LPAR1: variants seen among roughly 807,000 people sequenced by gnomAD.
LPAR1 encodes the protein LPA receptor 1.
LPAR1 carries 5 observed loss-of-function variants against 23.8 expected under a neutral mutation model. The observed-to-expected ratio is 0.21, with a 90% CI of 0.11 to 0.44. The LOEUF is 0.44. Among genes scored for constraint, LPAR1 ranks in the 20% least tolerant of loss-of-function variants. The pLI, the probability that LPAR1 is intolerant of heterozygous loss-of-function variation, is 0.99. For missense variants in LPAR1, 311 were observed against 482.8 expected (o/e 0.64, Z 3.33); for synonymous variants, 160 against 164.7 (o/e 0.97, Z 0.22).
At chr9:110,996,889 T>C (rs575299700) in intron 2 of LPAR1, among the ~76,000 whole-genome samples, 77 of 152,336 alleles carry the variant, frequency 5.1e-4, no homozygotes, top group African/African-American at 1.5e-3. Flanking sequence ...TGGGGTCTGA[T>C]GGTCTCGTTA....
At position 110,874,542 on chromosome 9, in the gene LPAR1, T is replaced by C. The variant is rs1277754321; in HGVS notation, c.*879A>G. ...TTTCAAGTTTTCTATGATGAGTATATTATTTTACAAAGACTACGAAAATTT... is the reference window on the plus strand; with the variant it reads ...TTTCAAGTTTTCTATGATGAGTATACTATTTTACAAAGACTACGAAAATTT... On this transcript the variant is annotated 3_prime_UTR_variant, in exon 6 of 6. Transcript: ENST00000683809. The C allele has an allele frequency of 1.3e-5, 2 of 152,636 alleles. No individual in the cohort carries two copies. The highest frequency in any genetic ancestry group is 2.9e-5 in the Non-Finnish European group (2 of 68,022). The allele number at this position is 152,636 out of a possible 1,614,324, so 9.5% of individuals were successfully genotyped here. A position where few individuals can be genotyped will look rare whatever the true frequency, so the allele number is the denominator to read the frequency against.
At chr9:111,004,047 A>AG (rs1257311657) in intron 2 of LPAR1, among the ~76,000 whole-genome samples, 1 of 152,184 alleles carries the variant, frequency 6.6e-6, no homozygotes, top group Non-Finnish European at 1.5e-5. Context: ...TCATTCCATG[A>AG]GGGCATAATC....
chr9:111,023,876 T>G (rs1333632082), intron 2 of LPAR1, among the ~76,000 whole-genome samples: 1 of 152,224 alleles, frequency 6.6e-6, no homozygotes, highest in Non-Finnish European at 1.5e-5. Flanking sequence ...TTCAAATGTA[T>G]GGACAAACAT....
intron 5 of LPAR1, among the ~76,000 whole-genome samples, chr9:110,912,021 C>T (rs1323131810): frequency 6.6e-6 from 1 of 152,076 alleles, no homozygotes; most frequent in African/African-American, 2.4e-5. Flanking sequence ...AGGCAGAAAC[C>T]CTTGGGTGAT....
chr9:111,013,568 C>T (rs1420585671), intron 2 of LPAR1, among the ~76,000 whole-genome samples: 3 of 151,950 alleles, frequency 2.0e-5, no homozygotes, highest in Non-Finnish European at 4.4e-5. Context: ...TAATGGATTC[C>T]AAGGGCATTT....
At chr9:110,884,456 T>C (rs2081798896) in intron 5 of LPAR1, among the ~76,000 whole-genome samples, 5 of 152,242 alleles carry the variant, frequency 3.3e-5, no homozygotes, top group African/African-American at 4.8e-5. Context: ...CATCAGACTA[T>C]TTTTACTCCA....
chr9:110,943,723 G>C (rs149248088), intron 4 of LPAR1, among the ~76,000 whole-genome samples: 32 of 152,104 alleles, frequency 2.1e-4, no homozygotes, highest in African/African-American at 7.2e-4. Context: ...AGTCAGACAT[G>C]GTGGTGGGCA....
chr9:111,004,551 C>T (rs1265995918), intron 2 of LPAR1, among the ~76,000 whole-genome samples: 2 of 152,162 alleles, frequency 1.3e-5, no homozygotes, highest in African/African-American at 4.8e-5. Context: ...TCTTACTTGA[C>T]CCTCTGTTGG....
chr9:110,991,768 T>A (rs886187561), intron 2 of LPAR1, among the ~76,000 whole-genome samples: 3 of 152,072 alleles, frequency 2.0e-5, no homozygotes, highest in African/African-American at 7.2e-5. Context: ...GCCATTTGTA[T>A]TTTTAGTAGA....
At chr9:110,980,505 C>A (rs1383365371) in intron 2 of LPAR1, among the ~76,000 whole-genome samples, 1 of 151,778 alleles carries the variant, frequency 6.6e-6, no homozygotes, top group East Asian at 1.9e-4. Flanking sequence ...GCATGTTAAG[C>A]GAAGTAAGTC....
chr9:111,006,224 C>CA (rs2097215839), intron 2 of LPAR1, among the ~76,000 whole-genome samples: 1 of 152,164 alleles, frequency 6.6e-6, no homozygotes, highest in African/African-American at 2.4e-5. Context: ...ATGCAAAAGG[C>CA]TGTACACAAG....
At chr9:111,016,360 C>T (rs1373888369) in intron 2 of LPAR1, among the ~76,000 whole-genome samples, 2 of 152,132 alleles carry the variant, frequency 1.3e-5, no homozygotes, top group Non-Finnish European at 2.9e-5. Context: ...TACACTTGCA[C>T]GAGGAACAAT....
intron 4 of LPAR1, among the ~76,000 whole-genome samples, chr9:110,969,825 T>G (rs2096355882): frequency 6.6e-6 from 1 of 152,246 alleles, no homozygotes; most frequent in Non-Finnish European, 1.5e-5. Flanking sequence ...TTGTACTTCT[T>G]GGTTTGCAAC....
intron 5 of LPAR1, among the ~76,000 whole-genome samples, chr9:110,898,662 C>T (rs2087402145): frequency 6.6e-6 from 1 of 152,174 alleles, no homozygotes. Flanking sequence ...AAACATGCAA[C>T]GGTTTGATCT....
chr9:111,004,684 A>T (rs1301077378), intron 2 of LPAR1, among the ~76,000 whole-genome samples: 2 of 152,078 alleles, frequency 1.3e-5, no homozygotes, highest in African/African-American at 4.8e-5. Context: ...TCTTCCTCTG[A>T]TGACTAGGAA....
chr9:110,892,277 A>G (rs962460128), intron 5 of LPAR1, among the ~76,000 whole-genome samples: 1 of 152,214 alleles, frequency 6.6e-6, no homozygotes, highest in African/African-American at 2.4e-5. Context: ...GAAAGAGAGA[A>G]TGACAGAGAG....
At chr9:110,920,133 A>G (rs1347558862) in intron 5 of LPAR1, among the ~76,000 whole-genome samples, 3 of 152,202 alleles carry the variant, frequency 2.0e-5, no homozygotes, top group African/African-American at 4.8e-5. Flanking sequence ...TGCCCTGCAC[A>G]AAATTATACC....
At chr9:111,019,545 C>T (rs1162881423) in intron 2 of LPAR1, among the ~76,000 whole-genome samples, 3 of 151,992 alleles carry the variant, frequency 2.0e-5, no homozygotes, top group Non-Finnish European at 4.4e-5. Context: ...TATTCCCTAC[C>T]CAAATTAGTG....
rs1243426394 is a variant in LPAR1 at position 110,875,682 on chromosome 9, T to C, written c.834A>G (p.Leu278=). 6 of 1,609,560 alleles carry C rather than the reference T, an allele frequency of 3.7e-6. No individual in the cohort carries two copies. Among genetic ancestry groups the C allele is most frequent in the Non-Finnish European group, 5.1e-6 (6 of 1,177,084 alleles). Reference sequence around the variant, plus strand: ...ACTGTGGACAGCACACGTCTAGAAGTAACAAAACCAATCCAGGAGTCCAGC... The same window carrying C: ...ACTGTGGACAGCACACGTCTAGAAGCAACAAAACCAATCCAGGAGTCCAGC... ...IICWTPGLVL[L]LLDVCCPQCD... The change falls in exon 6 of 6, where the codon TTA becomes TTG. Residue 278 remains leucine, a synonymous_variant. Coordinates refer to ENST00000683809, the MANE Select transcript of LPAR1 (RefSeq NM_001351411.2).
Sources: allele counts gnomAD v4.1 joint callset (sites outside exome capture counted in the v4.1 genomes callset), GRCh38; gene constraint gnomAD v4.1.1; transcripts MANE v1.5; gene names NCBI Gene and HGNC (gene_info 2026-07-23, HGNC 2026-07-21).